Variants in NTRK2 observed in about 807,000 individuals in gnomAD.
The protein encoded by NTRK2 is BDNF/NT-3 growth factors receptor.
A neutral mutation model predicts 94.5 loss-of-function variants in NTRK2; 13 were observed. The observed-to-expected ratio is 0.14, with a 90% confidence interval of 0.09 to 0.22. The LOEUF (loss-of-function observed/expected upper bound fraction) is 0.22, where lower values mean the gene tolerates loss of function less well. NTRK2 is among the 10% of genes least tolerant of loss of function. NTRK2 has a pLI of 1.00. For synonymous variants in NTRK2, 372 were observed against 407.4 expected (o/e 0.91, Z 1.05); for missense variants, 639 against 1,071.2 (o/e 0.60, Z 5.63).
intron 9 of NTRK2, among the ~76,000 whole-genome samples, chr9:84,731,933 A>C (rs1277902770): frequency 2.0e-5 from 3 of 152,162 alleles, no homozygotes; most frequent in African/African-American, 7.2e-5. Context: ...GACCCCAGAC[A>C]CCAAGCCAGC....
intron 13 of NTRK2, among the ~76,000 whole-genome samples, chr9:84,866,710 T>C (rs2075611735): frequency 6.6e-6 from 1 of 152,184 alleles, no homozygotes; most frequent in African/African-American, 2.4e-5. Flanking sequence ...TATGACCCAG[T>C]AATTCCACCC....
At chr9:84,946,081 T>C (rs2078591736) in intron 15 of NTRK2, among the ~76,000 whole-genome samples, 1 of 152,222 alleles carries the variant, frequency 6.6e-6, no homozygotes, top group South Asian at 2.1e-4. Context: ...GGCCGTGTTC[T>C]GGACACTGGA....
At chr9:84,900,003 T>C (rs898100698) in intron 14 of NTRK2, among the ~76,000 whole-genome samples, 2 of 152,124 alleles carry the variant, frequency 1.3e-5, no homozygotes, top group Non-Finnish European at 2.9e-5. Flanking sequence ...GTCAGGGTGG[T>C]GTAAAGGAAG....
chr9:84,786,286 A>G (rs1036042675), intron 12 of NTRK2, among the ~76,000 whole-genome samples: 7 of 152,206 alleles, frequency 4.6e-5, no homozygotes, highest in African/African-American at 1.7e-4. Context: ...TGCACTTTGC[A>G]TGCATTATCC....
chr9:84,946,587 G>T (rs2078606074), intron 15 of NTRK2, among the ~76,000 whole-genome samples: 1 of 152,142 alleles, frequency 6.6e-6, no homozygotes. Context: ...AATGAGGGGT[G>T]GTCAGGGAAC....
intron 2 of NTRK2, among the ~76,000 whole-genome samples, chr9:84,694,238 C>T (rs1001225869): frequency 6.6e-6 from 1 of 152,082 alleles, no homozygotes; most frequent in Non-Finnish European, 1.5e-5. Flanking sequence ...GTTTTGTCTT[C>T]TGAAAAATGG....
chr9:84,683,384 C>T (rs1275530496), intron 2 of NTRK2, among the ~76,000 whole-genome samples: 1 of 152,082 alleles, frequency 6.6e-6, no homozygotes, highest in Non-Finnish European at 1.5e-5. Context: ...ATGTTCCCCT[C>T]CTGTGTCCAT....
At chr9:85,002,090 C>T (rs1281352241) in intron 17 of NTRK2, among the ~76,000 whole-genome samples, 1 of 152,208 alleles carries the variant, frequency 6.6e-6, no homozygotes, top group Non-Finnish European at 1.5e-5. Context: ...TGTTCTTGAC[C>T]TTACCTTGGT....
chr9:84,757,371 T>C (rs912535185), intron 12 of NTRK2, among the ~76,000 whole-genome samples: 2 of 152,202 alleles, frequency 1.3e-5, no homozygotes, highest in African/African-American at 4.8e-5. Flanking sequence ...TATGGCTTCA[T>C]TTTTGATTCC....
intron 14 of NTRK2, among the ~76,000 whole-genome samples, chr9:84,882,117 C>T (rs1220080389): frequency 1.3e-5 from 2 of 152,074 alleles, no homozygotes; most frequent in Admixed American, 6.6e-5. Context: ...ACCCTAGCAT[C>T]GGCTTTTAAT....
chr9:84,811,626 T>TC, intron 12 of NTRK2: 1 of 1,065,190 alleles, frequency 9.4e-7, no homozygotes, highest in Non-Finnish European at 1.1e-6. Flanking sequence ...AGAAGGATAG[T>TC]CCCCCCTACA....
At chr9:84,753,746 T>C (rs1327753788) in intron 12 of NTRK2, among the ~76,000 whole-genome samples, 1 of 152,214 alleles carries the variant, frequency 6.6e-6, no homozygotes, top group Non-Finnish European at 1.5e-5. Context: ...TTGGACTGGA[T>C]GTCTCTAAAC....
At chr9:84,923,560 A>G (rs1454566303) in intron 14 of NTRK2, among the ~76,000 whole-genome samples, 1 of 152,190 alleles carries the variant, frequency 6.6e-6, no homozygotes, top group Non-Finnish European at 1.5e-5. Flanking sequence ...TTCTTCCACC[A>G]TGGGAACATT....
chr9:84,829,649 C>T lies in NTRK2; in HGVS notation c.1397-31391C>T, dbSNP rs375558964. 2.0e-4 allele frequency among the ~76,000 whole-genome samples: 31 copies of T among 152,268 alleles called. 1 individual carries two copies. The highest frequency in any genetic ancestry group is 6.5e-4 in the African/African-American group (27 of 41,558). On this transcript the variant is annotated intron_variant, in intron 12 of 18. Coordinates refer to ENST00000277120, the MANE Select transcript of NTRK2 (RefSeq NM_006180.6). ...GGCCGTTGTTGGACTCTGCACCACCCGGGAGAGGACACAGTGAGAGAATCC... is the reference window on the plus strand; with the variant it reads ...GGCCGTTGTTGGACTCTGCACCACCTGGGAGAGGACACAGTGAGAGAATCC...
intron 17 of NTRK2, among the ~76,000 whole-genome samples, chr9:85,003,704 A>T (rs1830570413): frequency 6.6e-6 from 1 of 151,814 alleles, no homozygotes; most frequent in African/African-American, 2.4e-5. Flanking sequence ...CTGTATGGGG[A>T]ATGGATTACA....
intron 6 of NTRK2, among the ~76,000 whole-genome samples, chr9:84,715,694 G>A (rs1420422283): frequency 6.6e-6 from 1 of 152,050 alleles, no homozygotes; most frequent in Admixed American, 6.6e-5. Flanking sequence ...ATTTGGCCAG[G>A]CTGTGCTGAT....
intron 4 of NTRK2, among the ~76,000 whole-genome samples, chr9:84,705,000 C>T (rs1053796653): frequency 3.7e-4 from 57 of 152,166 alleles, no homozygotes; most frequent in African/African-American, 1.4e-3. Context: ...TGCACTCTTC[C>T]CTCAAATATC....
intron 12 of NTRK2, among the ~76,000 whole-genome samples, chr9:84,825,341 C>T (rs933974300): frequency 3.3e-5 from 5 of 152,124 alleles, no homozygotes; most frequent in African/African-American, 9.7e-5. Flanking sequence ...ACTTGCGCAG[C>T]TGAGTAGATT....
chr9:84,886,750 T>C (rs926506267), intron 14 of NTRK2, among the ~76,000 whole-genome samples: 13 of 152,212 alleles, frequency 8.5e-5, no homozygotes, highest in African/African-American at 3.1e-4. Context: ...CTCATCAGCT[T>C]AAAACCAGTT....
Sources: allele counts gnomAD v4.1 joint callset (sites outside exome capture counted in the v4.1 genomes callset), GRCh38; gene constraint gnomAD v4.1.1; transcripts MANE v1.5; gene names NCBI Gene and HGNC (gene_info 2026-07-23, HGNC 2026-07-21).